Variants in HDAC8 observed in about 807,000 individuals in gnomAD.
HDAC8 encodes histone deacetylase-like 1.
A neutral mutation model predicts 32.2 loss-of-function variants in HDAC8; 1 was observed. The ratio of observed to expected loss-of-function variants is 0.03; its 90% CI spans 0.01 to 0.15. HDAC8 has a LOEUF of 0.15. HDAC8 is among the 10% of genes least tolerant of loss of function. The probability of loss-of-function intolerance (pLI) is 1.00; values close to 1 mark genes in which losing one functional copy is unlikely to be tolerated. For missense variants in HDAC8, 117 were observed against 300.0 expected, an observed-to-expected ratio of 0.39 and a Z score of 4.51; for synonymous variants, 108 against 113.9, an observed-to-expected ratio of 0.95 and a Z score of 0.33.
intron 9 of HDAC8, among the ~76,000 whole-genome samples, chrX:72,430,144 T>C (rs1163193486): frequency 8.9e-6 from 1 of 112,466 alleles, no homozygotes; most frequent in Non-Finnish European, 1.9e-5. Context: ...TTTCTTCTTT[T>C]CTTTTTTCCT....
intron 9 of HDAC8, among the ~76,000 whole-genome samples, chrX:72,406,536 A>AG (rs1178103504): frequency 3.6e-5 from 4 of 112,389 alleles, no homozygotes; most frequent in African/African-American, 1.3e-4. Context: ...CTGCACAACT[A>AG]GGTCTACTTT....
intron 9 of HDAC8, among the ~76,000 whole-genome samples, chrX:72,441,199 C>A (rs1334548758): frequency 8.9e-6 from 1 of 112,773 alleles, no homozygotes; most frequent in Non-Finnish European, 1.9e-5. Context: ...TCCCAGCATG[C>A]AGCTGGAGAT....
intron 9 of HDAC8, among the ~76,000 whole-genome samples, chrX:72,448,331 G>A (rs1555985997): frequency 9.0e-6 from 1 of 111,720 alleles, no homozygotes; most frequent in East Asian, 2.8e-4. Context: ...ACAAGCAATG[G>A]GGAAAGATTC....
intron 4 of HDAC8, among the ~76,000 whole-genome samples, chrX:72,528,106 G>T (rs375107291): frequency 5.4e-5 from 6 of 110,867 alleles, no homozygotes; most frequent in African/African-American, 2.0e-4. Flanking sequence ...CCTAGGTACA[G>T]CTGGTTGGTC....
chrX:72,375,418 T>C (rs2045033000), intron 9 of HDAC8, among the ~76,000 whole-genome samples: 1 of 111,452 alleles, frequency 9.0e-6, no homozygotes, highest in Non-Finnish European at 1.9e-5. Flanking sequence ...ATAGCTCTAG[T>C]CTGAGTCTGA....
intron 9 of HDAC8, among the ~76,000 whole-genome samples, chrX:72,459,491 G>A (rs911705469): frequency 2.7e-5 from 3 of 110,445 alleles, no homozygotes; most frequent in African/African-American, 6.6e-5. Flanking sequence ...AGGTCAGCCC[G>A]GCTGCAACTG....
At chrX:72,332,055 GC>G in intron 10 of HDAC8, among the ~76,000 whole-genome samples, 1 of 112,170 alleles carries the variant, frequency 8.9e-6, no homozygotes, top group Middle Eastern at 4.6e-3. Context: ...AGATAGATAG[GC>G]TTTTTTCACT....
rs1443015079 is a variant in HDAC8, at chrX:72,352,512, A to G, written c.1006-674T>C. On this transcript the variant is annotated intron_variant, in intron 9 of 10. Transcript: ENST00000373573. ...GTAGAGATTTTTCAACAGTGACCCA[A>G]TCGCCCCACACTGGACTGTCAGCTC... Among the ~76,000 whole-genome samples the G allele has an allele frequency of 2.7e-5, 3 of 110,854 alleles. No homozygotes were observed. The East Asian group carries it at 8.5e-4, about 31-fold the overall frequency.
chrX:72,372,348 T>C (rs2044903948), intron 9 of HDAC8, among the ~76,000 whole-genome samples: 2 of 110,736 alleles, frequency 1.8e-5, no homozygotes, highest in Non-Finnish European at 3.8e-5. Context: ...TCACTGTGGA[T>C]TATAATTGTC....
At chrX:72,485,035 C>A (rs1432260310) in intron 7 of HDAC8, among the ~76,000 whole-genome samples, 2 of 111,614 alleles carry the variant, frequency 1.8e-5, no homozygotes, top group East Asian at 5.6e-4. Flanking sequence ...TTCCCACCAA[C>A]CTTCATGGGT....
intron 4 of HDAC8, among the ~76,000 whole-genome samples, chrX:72,557,988 A>G (rs1430238417): frequency 1.8e-5 from 2 of 111,726 alleles, no homozygotes; most frequent in African/African-American, 3.3e-5. Context: ...CCTAAAGGAG[A>G]TGGATAAATT....
intron 10 of HDAC8, among the ~76,000 whole-genome samples, chrX:72,338,696 T>C (rs3012665): frequency 0.11 from 11,153 of 99,080 alleles, 672 homozygotes; most frequent in South Asian, 0.33. Flanking sequence ...AATATATATA[T>C]ATATATTTAT....
At chrX:72,453,460 A>AAAAGAAAGAAAGAAAGAAAGAAAGAAAG (rs1555988386) in intron 9 of HDAC8, among the ~76,000 whole-genome samples, 2 of 43,500 alleles carry the variant, frequency 4.6e-5, no homozygotes, top group African/African-American at 2.2e-4. Flanking sequence ...CTGTCTCTTA[A>AAAAGAAAGAAAGAAAGAAAGAAAGAAAG]AAATAAAGAA....
chrX:72,541,206 G>C (rs782221292), intron 4 of HDAC8, among the ~76,000 whole-genome samples: 1 of 109,406 alleles, frequency 9.1e-6, no homozygotes, highest in South Asian at 4.1e-4. Flanking sequence ...GTTAGGGAAG[G>C]CCTCAGTGAG....
chrX:72,494,979 T>G (rs1164259868), intron 5 of HDAC8, among the ~76,000 whole-genome samples, 177 bp downstream of exon 5: 3 of 111,547 alleles, frequency 2.7e-5, no homozygotes, highest in African/African-American at 9.8e-5. Context: ...GGAGCCTGGC[T>G]TGGGCAGCAA....
At chrX:72,560,781 C>T (rs1405728765) in intron 4 of HDAC8, among the ~76,000 whole-genome samples, 5 of 107,732 alleles carry the variant, frequency 4.6e-5, no homozygotes, top group African/African-American at 1.7e-4. Flanking sequence ...TTTCAAATGC[C>T]TTTTCTGTGT....
At position 72,376,474 on chromosome X, in the gene HDAC8, G is replaced by A. The variant is rs782366962; in HGVS notation, c.1006-24636C>T. ...ACTCTGTCGCCCAGAGCTGGAGTGC[G>A]GTGGCGCAATCTTGGATCACTGCAA... On this transcript the variant is annotated intron_variant, in intron 9 of 10. Coordinates refer to ENST00000373573, the MANE Select transcript of HDAC8 (RefSeq NM_018486.3). Among the ~76,000 whole-genome samples, 291 of 111,471 alleles carry A rather than the reference G, an allele frequency of 2.6e-3. 1 individual carries two copies. Among genetic ancestry groups the A allele is most frequent in the African/African-American group, 8.8e-3 (270 of 30,695 alleles).
At chrX:72,406,192 C>T (rs906291105) in intron 9 of HDAC8, among the ~76,000 whole-genome samples, 8 of 111,279 alleles carry the variant, frequency 7.2e-5, no homozygotes, top group African/African-American at 2.3e-4. Context: ...TTTGATTTTT[C>T]TTGGTGCTTG....
At chrX:72,368,176 CTG>C (rs1478281556) in intron 9 of HDAC8, among the ~76,000 whole-genome samples, 2 of 111,657 alleles carry the variant, frequency 1.8e-5, no homozygotes, top group Non-Finnish European at 3.8e-5. Context: ...CCTTCATGCT[CTG>C]TCACACCTGC....
Sources: allele counts gnomAD v4.1 joint callset (sites outside exome capture counted in the v4.1 genomes callset), GRCh38; gene constraint gnomAD v4.1.1; transcripts MANE v1.5; gene names NCBI Gene and HGNC (gene_info 2026-07-23, HGNC 2026-07-21).